SLTM: variants seen among roughly 807,000 people sequenced by gnomAD.
SLTM encodes the protein SAFB-like transcription modulator.
In SLTM, 43 loss-of-function variants were observed where a neutral mutation model predicts 134.6. The observed-to-expected ratio is 0.32, with a 90% CI of 0.25 to 0.41. The LOEUF (loss-of-function observed/expected upper bound fraction) is 0.41, where lower values mean the gene tolerates loss of function less well. Among genes scored for constraint, SLTM ranks in the 10% least tolerant of loss-of-function variants. The pLI, the probability that SLTM is intolerant of heterozygous loss-of-function variation, is 1.00. For synonymous variants in SLTM, 424 were observed against 432.3 expected, an observed-to-expected ratio of 0.98 and a Z score of 0.24; for missense variants, 1,055 against 1,288.8, an observed-to-expected ratio of 0.82 and a Z score of 2.78.
intron 5 of SLTM, among the ~76,000 whole-genome samples, chr15:58,906,037 C>G (rs1595887011): frequency 6.6e-6 from 1 of 152,250 alleles, no homozygotes; most frequent in Middle Eastern, 3.4e-3. Context: ...ACGTAAATGC[C>G]TATTGATTTT....
At position 58,903,152 on chromosome 15, in the gene SLTM, A is replaced by G. The variant is rs561362122; in HGVS notation, c.562-1865T>C. On this transcript the variant is annotated intron_variant, in intron 5 of 20. Coordinates refer to ENST00000380516, the MANE Select transcript of SLTM (RefSeq NM_024755.4). ...CCTGACCTCGTGATCCACCCGCCTC[A>G]GCCTCCCAAAGTGCTTGGATTACAA... Among the ~76,000 whole-genome samples the G allele has an allele frequency of 6.6e-5, 10 of 152,130 alleles. No homozygotes were observed. The South Asian group carries it at 2.1e-3, about 32-fold the overall frequency.
intron 2 of SLTM, among the ~76,000 whole-genome samples, chr15:58,926,833 C>T (rs566600790): frequency 2.0e-5 from 3 of 152,126 alleles, no homozygotes; most frequent in East Asian, 3.9e-4. Context: ...AGGCTAGTCT[C>T]GAACTCCTGA....
chr15:58,917,104 T>A, intron 2 of SLTM, 105 bp from the exon 3 acceptor site: 1 of 1,043,130 alleles, frequency 9.6e-7, no homozygotes, highest in Non-Finnish European at 1.4e-6. Flanking sequence ...CCAAACTATC[T>A]GACAAAGCTA....
chr15:58,886,267 A>AT lies in SLTM; in HGVS notation c.2835+707dup, dbSNP rs1176538612. Among the ~76,000 whole-genome samples the AT allele has an allele frequency of 3.9e-3, 214 of 54,862 alleles. 5 individuals are homozygous for AT. The highest frequency in any genetic ancestry group is 0.012 in the African/African-American group (193 of 15,738). The allele number at this position is 54,862 out of a possible 152,430, so 36.0% of individuals were successfully genotyped here. A position where few individuals can be genotyped will look rare whatever the true frequency, so the allele number is the denominator to read the frequency against. ...TGTGTGTGTGTGTGTGTGTGTGTGT[A>AT]TTTTTTTTTTTTTTTTCCAGACAGG... On this transcript the variant is annotated intron_variant, in intron 19 of 20. Transcript: ENST00000380516.
intron 12 of SLTM, 36 bp downstream of exon 12, chr15:58,893,785 T>C: frequency 6.4e-7 from 1 of 1,567,424 alleles, no homozygotes; most frequent in South Asian, 1.2e-5. Flanking sequence ...AGTAGTAGAA[T>C]GCATTAGAAA....
intron 10 of SLTM, 104 bp from the exon 11 acceptor site, chr15:58,894,297 T>C (rs2034900256): frequency 7.1e-7 from 1 of 1,405,702 alleles, no homozygotes; most frequent in East Asian, 2.3e-5. Flanking sequence ...AGGAAAAATA[T>C]AAGGAGAGTA....
At chr15:58,898,760 C>T in intron 8 of SLTM, 43 bp downstream of exon 8, 1 of 1,447,262 alleles carries the variant, frequency 6.9e-7, no homozygotes, top group Non-Finnish European at 9.6e-7. Flanking sequence ...AATGAAAATA[C>T]ACAATGTCAA....
chr15:58,923,097 C>T (rs2037211302), intron 2 of SLTM, among the ~76,000 whole-genome samples: 1 of 152,126 alleles, frequency 6.6e-6, no homozygotes, highest in African/African-American at 2.4e-5. Flanking sequence ...TAGCTTGAAC[C>T]TGTAATCTCA....
intron 5 of SLTM, among the ~76,000 whole-genome samples, chr15:58,910,918 G>C (rs999789230): frequency 6.6e-6 from 1 of 151,646 alleles, no homozygotes; most frequent in Non-Finnish European, 1.5e-5. Flanking sequence ...CTAATTTTTT[G>C]TATTTTTAGT....
At chr15:58,898,922 A>G in intron 7 of SLTM, 70 bp from the exon 8 acceptor site, 2 of 1,084,854 alleles carry the variant, frequency 1.8e-6, no homozygotes, top group Non-Finnish European at 1.4e-6. Context: ...GAACAGCTTG[A>G]TATTTACTAT....
At position 58,904,842 on chromosome 15, in the gene SLTM, C is replaced by T. The variant is rs143484405; in HGVS notation, c.562-3555G>A. On this transcript the variant is annotated intron_variant, in intron 5 of 20. Transcript: ENST00000380516. ...TCTCCTGCCTCAGCCTCCCAAGTAGCTGGGATTACAGGTGCGTACCACTAC... is the reference window on the plus strand; with the variant it reads ...TCTCCTGCCTCAGCCTCCCAAGTAGTTGGGATTACAGGTGCGTACCACTAC... 9.9e-3 allele frequency among the ~76,000 whole-genome samples: 1,509 copies of T among 152,306 alleles called. 15 individuals are homozygous for T. The highest frequency in any genetic ancestry group is 0.016 in the Non-Finnish European group (1,114 of 68,032).
At chr15:58,913,455 CTTAA>C in intron 4 of SLTM, 40 bp downstream of exon 4, 1 of 1,460,584 alleles carries the variant, frequency 6.8e-7, no homozygotes, top group South Asian at 1.3e-5. Flanking sequence ...TTATTTAAAA[CTTAA>C]TTTATCTGTG....
chr15:58,921,188 G>C (rs890218421), intron 2 of SLTM, among the ~76,000 whole-genome samples: 1 of 152,018 alleles, frequency 6.6e-6, no homozygotes, highest in Non-Finnish European at 1.5e-5. Flanking sequence ...TTATGTACTT[G>C]TATTTTAAAA....
intron 17 of SLTM, 38 bp downstream of exon 17, chr15:58,888,347 G>A (rs1466629659): frequency 6.6e-7 from 1 of 1,520,694 alleles, no homozygotes; most frequent in Non-Finnish European, 8.9e-7. Flanking sequence ...CACTAGCAAG[G>A]CTCATAAAAT....
chr15:58,930,026 A>G (rs898050289), intron 2 of SLTM, among the ~76,000 whole-genome samples: 54 of 152,198 alleles, frequency 3.5e-4, no homozygotes, highest in African/African-American at 9.6e-4. Context: ...CAAGATTTTC[A>G]TAACAATGAT....
At chr15:58,921,540 G>A (rs1295012247) in intron 2 of SLTM, 4 of 436,746 alleles carry the variant, frequency 9.2e-6, no homozygotes, top group South Asian at 3.3e-5. Context: ...TCCAACAGCT[G>A]TTACAATACA....
At chr15:58,894,283 C>G in intron 10 of SLTM, 90 bp from the exon 11 acceptor site, 1 of 1,406,296 alleles carries the variant, frequency 7.1e-7, no homozygotes, top group Non-Finnish European at 9.8e-7. Flanking sequence ...AATTTGGAAA[C>G]GATAGGAAAA....
intron 5 of SLTM, among the ~76,000 whole-genome samples, chr15:58,911,595 A>C (rs549931512): frequency 4.7e-4 from 71 of 151,976 alleles, no homozygotes; most frequent in Non-Finnish European, 8.5e-4. Flanking sequence ...TAAGATTAAA[A>C]ATAAAAATAA....
chr15:58,897,100 G>T lies in SLTM; in HGVS notation c.1227+15C>A, dbSNP rs183392856. On this transcript the variant is annotated intron_variant, in intron 9 of 20. Transcript: ENST00000380516. Reference sequence around the variant, plus strand: ...AGACACCAGAAAGACAGATAAAAAGGTAAAAAGAATGTACCTTTCCATATT... The same window carrying T: ...AGACACCAGAAAGACAGATAAAAAGTTAAAAAGAATGTACCTTTCCATATT... 672 of 1,468,204 alleles carry T rather than the reference G, an allele frequency of 4.6e-4. 3 individuals are homozygous for T. The highest frequency in any genetic ancestry group is 3.2e-5 in the Non-Finnish European group (34 of 1,047,656). The allele number at this position is 1,468,204 out of a possible 1,614,324, so 90.9% of individuals were successfully genotyped here. A position where few individuals can be genotyped will look rare whatever the true frequency, so the allele number is the denominator to read the frequency against.
Sources: allele counts gnomAD v4.1 joint callset (sites outside exome capture counted in the v4.1 genomes callset), GRCh38; gene constraint gnomAD v4.1.1; transcripts MANE v1.5; gene names NCBI Gene and HGNC (gene_info 2026-07-23, HGNC 2026-07-21).